The following FRMD7 variants were observed in gnomAD, a reference collection of about 807,000 sequenced individuals.
FRMD7 encodes FERM domain-containing protein 7.
Under a neutral mutation model 44.1 loss-of-function variants are expected in FRMD7, and 14 were observed. The observed-to-expected ratio is 0.32, with a 90% confidence interval of 0.21 to 0.50. The LOEUF (loss-of-function observed/expected upper bound fraction) is 0.50. FRMD7 is among the 20% of genes least tolerant of loss of function. The pLI, the probability that FRMD7 is intolerant of heterozygous loss-of-function variation, is 0.99. For missense variants in FRMD7, 501 were observed against 522.3 expected (o/e 0.96, Z 0.40); for synonymous variants, 212 against 187.4 (o/e 1.13, Z -1.07).
intron 2 of FRMD7, among the ~76,000 whole-genome samples, chrX:132,100,186 C>T (rs961990208): frequency 3.6e-5 from 4 of 112,071 alleles, no homozygotes; most frequent in South Asian, 3.7e-4. Context: ...GGCTGGGATG[C>T]GGTGGTGCGA....
At chrX:132,100,551 C>A (rs1602819729) in intron 2 of FRMD7, 61 bp downstream of exon 2, 1 of 779,589 alleles carries the variant, frequency 1.3e-6, no homozygotes, top group East Asian at 3.1e-5. Flanking sequence ...ACATACCTAG[C>A]TGCAAACTGC....
intron 1 of FRMD7, among the ~76,000 whole-genome samples, chrX:132,104,398 AT>A (rs1308541681): frequency 2.7e-5 from 3 of 111,704 alleles, no homozygotes; most frequent in Non-Finnish European, 5.6e-5. Flanking sequence ...TCTTTAAAAC[AT>A]TGGCAGATGC....
intron 5 of FRMD7, among the ~76,000 whole-genome samples, chrX:132,091,531 A>G (rs1928169382): frequency 9.0e-6 from 1 of 111,197 alleles, no homozygotes; most frequent in African/African-American, 3.3e-5. Context: ...CCTTATTTAA[A>G]TATTTATGCT....
intron 5 of FRMD7, among the ~76,000 whole-genome samples, chrX:132,091,670 CA>C (rs35822147): frequency 0.15 from 7,152 of 48,066 alleles, 344 homozygotes; most frequent in African/African-American, 0.26. Context: ...ACTAAAAATA[CA>C]AAAAAAAAAA....
At chrX:132,120,727 G>A (rs144453004) in intron 1 of FRMD7, among the ~76,000 whole-genome samples, 1,770 of 112,370 alleles carry the variant, frequency 0.016, 24 homozygotes, top group Non-Finnish European at 0.024. Context: ...CCCAGAGGGT[G>A]GGGCAGGCAG....
chrX:132,095,528 AAATT>A (rs770978202), intron 4 of FRMD7, among the ~76,000 whole-genome samples: 3 of 112,533 alleles, frequency 2.7e-5, no homozygotes, highest in Admixed American at 9.4e-5. Flanking sequence ...TGGTGAATCA[AAATT>A]AATCGCAAGT....
rs6637934 is a variant in FRMD7 at position 132,078,614 on chromosome X, C to T, written c.1403G>A (p.Arg468His). Reference sequence around the variant, plus strand: ...CGTGTAAGTTAGCTGCTTTGCTGGACGCACTTTGCTTGTGAGGCCAGAATA... The same window carrying T: ...CGTGTAAGTTAGCTGCTTTGCTGGATGCACTTTGCTTGTGAGGCCAGAATA... Reference protein sequence around the residue: ...SIYSGLTSKVRPAKQLTYTDV... With the variant: ...SIYSGLTSKVHPAKQLTYTDV... Residue 468 changes from arginine (R) to histidine (H), a missense_variant, in exon 12 of 12, where the codon CGT becomes CAT. Coordinates refer to ENST00000298542, the MANE Select transcript of FRMD7 (RefSeq NM_194277.3). The T allele has an allele frequency of 0.058, 70,220 of 1,208,945 alleles. 1,507 individuals carry two copies. The highest frequency in any genetic ancestry group is 0.079 in the Middle Eastern group (343 of 4,352).
Position 132,110,386 on chromosome X carries a change from G to A in FRMD7, c.58-9670C>T, listed in dbSNP as rs192542416. 4.3e-4 allele frequency among the ~76,000 whole-genome samples: 48 copies of A among 110,968 alleles called. 1 individual carries two copies. The highest frequency in any genetic ancestry group is 1.5e-3 in the African/African-American group (46 of 30,530). ...AGGTAAAGATAGGAGAGATGGCTCT[G>A]TAATAGGTGCAGTTGGACTTGGGGA... On this transcript the variant is annotated intron_variant, in intron 1 of 11. Coordinates refer to ENST00000298542, the MANE Select transcript of FRMD7 (RefSeq NM_194277.3).
Position 132,082,429 on chromosome X carries a change from A to C in FRMD7, c.839T>G (p.Leu280Arg). The C allele has an allele frequency of 3.3e-6, 4 of 1,210,293 alleles. No individual in the cohort carries two copies. Among genetic ancestry groups the C allele is most frequent in the Non-Finnish European group, 4.5e-6 (4 of 893,855 alleles). Residue 280 changes from leucine (L) to arginine (R), a missense_variant, in exon 9 of 12, where the codon CTT becomes CGT. By Grantham distance (102) the Leu-to-Arg change is moderately radical (BLOSUM62 -2). Transcript: ENST00000298542. ...TCVEYHAFFR[L>R]SEEPKSKPKT... is the part of the protein sequence containing the mutation. ...GGGCTTTGATTTGGGCTCTTCCGAA[A>C]GCCTGAAGAAAGCATGGTATTCCAC...
chrX:132,112,795 C>G (rs759685246), intron 1 of FRMD7, among the ~76,000 whole-genome samples: 4 of 111,110 alleles, frequency 3.6e-5, no homozygotes, highest in Non-Finnish European at 7.6e-5. Flanking sequence ...AATCAGATAG[C>G]TAGTCCGGTA....
intron 2 of FRMD7, 58 bp from the exon 3 acceptor site, chrX:132,099,568 T>C: frequency 2.4e-6 from 2 of 834,044 alleles, no homozygotes; most frequent in Non-Finnish European, 3.5e-6. Flanking sequence ...AGCTTTTTTT[T>C]TTTCGGTAAT....
chrX:132,084,594 A>C lies in FRMD7; in HGVS notation c.646-9T>G. 1 of 1,032,200 alleles carries C rather than the reference A, an allele frequency of 9.7e-7. No homozygotes were observed. The highest frequency in any genetic ancestry group is 1.4e-6 in the Non-Finnish European group (1 of 731,553). The allele number at this position is 1,032,200 out of a possible 1,213,427, so 85.1% of individuals were successfully genotyped here. ...TTGATCTTTGTATTTCCCTACAATGAAAAATGTGGCAGATTTCAGAATGTA... is the reference window on the plus strand; with the variant it reads ...TTGATCTTTGTATTTCCCTACAATGCAAAATGTGGCAGATTTCAGAATGTA... On this transcript the variant is annotated splice_polypyrimidine_tract_variant and intron_variant, in intron 7 of 11. Coordinates refer to ENST00000298542, the MANE Select transcript of FRMD7 (RefSeq NM_194277.3).
At chrX:132,082,690 C>T (rs1227044834) in intron 8 of FRMD7, among the ~76,000 whole-genome samples, 164 bp from the exon 9 acceptor site, 1 of 112,144 alleles carries the variant, frequency 8.9e-6, no homozygotes, top group Non-Finnish European at 1.9e-5. Flanking sequence ...GATTGGCAAC[C>T]TTGCGAGGAA....
intron 4 of FRMD7, among the ~76,000 whole-genome samples, chrX:132,094,939 A>G (rs1159598613): frequency 1.8e-5 from 2 of 111,724 alleles, no homozygotes; most frequent in Non-Finnish European, 1.9e-5. Flanking sequence ...GATAACATTT[A>G]TCCCACACTT....
chrX:132,116,122 T>A (rs180750914), intron 1 of FRMD7, among the ~76,000 whole-genome samples: 7 of 112,502 alleles, frequency 6.2e-5, no homozygotes, highest in African/African-American at 1.3e-4. Flanking sequence ...ACTGACATTA[T>A]ATCAGCTAAC....
In FRMD7 at chrX:132,078,266, T is replaced by C. The variant is rs764829601; in HGVS notation, c.1751A>G (p.Glu584Gly). 19 of 1,209,640 alleles carry C rather than the reference T, an allele frequency of 1.6e-5. No homozygotes were observed. The highest frequency in any genetic ancestry group is 1.9e-5 in the Non-Finnish European group (17 of 894,546). ...GCTCTGGGACCTTTTAGGGGTTTGC[T>C]CTTGAATGTTACATACAAATGCATC... is the stretch of plus-strand genomic sequence containing the variant. ...LEDAFVCNIQ[E>G]QTPKRSQSQS... Residue 584 changes from glutamate (E) to glycine (G), a missense_variant, in exon 12 of 12, where the codon GAG (glutamate) becomes GGG (glycine). Physicochemically the swap from Glu to Gly is moderately conservative, Grantham distance 98 (BLOSUM62 -2). Transcript: ENST00000298542.
chrX:132,126,611 C>G (rs1027985260), intron 1 of FRMD7, among the ~76,000 whole-genome samples: 1 of 111,742 alleles, frequency 8.9e-6, no homozygotes, highest in Non-Finnish European at 1.9e-5. Context: ...TTTTGAATAC[C>G]CAGCTCACTA....
Position 132,114,998 on chromosome X carries a change from C to T in FRMD7, c.57+12790G>A, listed in dbSNP as rs755961488. Among the ~76,000 whole-genome samples, 17 of 112,738 alleles carry T rather than the reference C, an allele frequency of 1.5e-4. No homozygotes were observed. The South Asian group carries it at 6.2e-3, about 41-fold the overall frequency. ...GCTAGATTCCACTTAGGTCTGCTCTCTCCTTGACCGATCACCACATATGTC... is the reference window on the plus strand; with the variant it reads ...GCTAGATTCCACTTAGGTCTGCTCTTTCCTTGACCGATCACCACATATGTC... On this transcript the variant is annotated intron_variant, in intron 1 of 11. Transcript: ENST00000298542.
At chrX:132,093,462 C>T (rs932265442) in intron 5 of FRMD7, among the ~76,000 whole-genome samples, 1 of 112,465 alleles carries the variant, frequency 8.9e-6, no homozygotes, top group African/African-American at 3.2e-5. Flanking sequence ...TGGAAGGCCC[C>T]TGCTGTTCCC....
Sources: gnomAD v4.1 joint callset for allele counts (sites outside exome capture counted in the v4.1 genomes callset) on GRCh38, gnomAD v4.1.1 for gene constraint, MANE v1.5 for transcripts, NCBI Gene and HGNC (gene_info 2026-07-23, HGNC 2026-07-21) for gene names.